ZNF568: variants seen among roughly 807,000 people sequenced by gnomAD.
The protein encoded by ZNF568 is p53 inhibitor of SCO2 activation.
A neutral mutation model predicts 18.1 loss-of-function variants in ZNF568; 11 were observed. The observed-to-expected ratio is 0.61, with a 90% CI of 0.38 to 1.00. ZNF568 has a LOEUF of 1.00. ZNF568 is among the 50% of genes least tolerant of loss of function. The pLI, the probability that ZNF568 is intolerant of heterozygous loss-of-function variation, is 0.01. For synonymous variants in ZNF568, 213 were observed against 246.6 expected, an observed-to-expected ratio of 0.86 and a Z score of 1.28; for missense variants, 639 against 768.2, an observed-to-expected ratio of 0.83 and a Z score of 1.99.
chr19:36,990,087 T>C (rs886809472), intron 2 of ZNF568, among the ~76,000 whole-genome samples: 1 of 152,236 alleles, frequency 6.6e-6, no homozygotes, highest in Non-Finnish European at 1.5e-5. Context: ...CTGAGGATTT[T>C]AGGACTGGGG....
chr19:36,944,119 C>T (rs965921259), intron 6 of ZNF568, among the ~76,000 whole-genome samples: 2 of 151,868 alleles, frequency 1.3e-5, no homozygotes, highest in Non-Finnish European at 2.9e-5. Flanking sequence ...AAAAAATAGG[C>T]CAGTCACGGT....
intron 6 of ZNF568, among the ~76,000 whole-genome samples, chr19:36,947,176 C>T (rs2073981568): frequency 2.0e-5 from 3 of 152,090 alleles, no homozygotes; most frequent in Middle Eastern, 3.4e-3. Flanking sequence ...CCACCACGCC[C>T]AGCTAATTTT....
At chr19:36,974,222 T>TG (rs895267032) in intron 6 of ZNF568, among the ~76,000 whole-genome samples, 2 of 152,090 alleles carry the variant, frequency 1.3e-5, no homozygotes, top group African/African-American at 4.8e-5. Flanking sequence ...GGCTACGGTC[T>TG]GGGGGGCTCT....
chr19:36,955,632 A>C (rs1031405712), downstream of ZNF568, among the ~76,000 whole-genome samples: 7 of 152,198 alleles, frequency 4.6e-5, no homozygotes, highest in African/African-American at 2.4e-5. Flanking sequence ...CTGGACACAC[A>C]TGAGTTACTG....
intron 2 of ZNF568, among the ~76,000 whole-genome samples, chr19:36,989,185 T>C (rs116566862): frequency 6.6e-6 from 1 of 152,252 alleles, no homozygotes; most frequent in African/African-American, 2.4e-5. Context: ...CTATCTCTTT[T>C]ATTGATTGAT....
At chr19:36,927,897 ATATATATTTTTTTTTTTTTT>A (rs2073604515) in intron 4 of ZNF568, among the ~76,000 whole-genome samples, 30 of 24,720 alleles carry the variant, frequency 1.2e-3, no homozygotes, top group African/African-American at 4.0e-3. Context: ...TTATATATAT[ATATATATTTTTTTTTTTTTT>A]TTTTTTTTTT....
chr19:36,974,814 T>C lies in ZNF568; in HGVS notation c.405+348T>C, dbSNP rs529992456. Among the ~76,000 whole-genome samples the C allele has an allele frequency of 1.6e-4, 24 of 148,388 alleles. 1 individual carries two copies. In the South Asian group the frequency reaches 5.1e-3, roughly 31 times the overall value. Reference sequence around the variant, plus strand: ...CCTCCATGATCATATGCAATAGCCTTTTTGCTTACCAATTTTTTTTTTTTT... The same window carrying C: ...CCTCCATGATCATATGCAATAGCCTCTTTGCTTACCAATTTTTTTTTTTTT... On this transcript the variant is annotated intron_variant, in intron 7 of 7. Transcript: ENST00000427117.
At chr19:36,993,620 T>C (rs977398585) in intron 4 of ZNF568, among the ~76,000 whole-genome samples, 2 of 152,148 alleles carry the variant, frequency 1.3e-5, no homozygotes, top group African/African-American at 4.8e-5. Flanking sequence ...CTTGAGTCAA[T>C]TTTGGTAGTT....
intron 4 of ZNF568, among the ~76,000 whole-genome samples, chr19:36,935,488 C>G (rs826289): frequency 6.7e-6 from 1 of 149,700 alleles, no homozygotes; most frequent in African/African-American, 2.5e-5. Flanking sequence ...TGAACTTGGG[C>G]GGCAGAGGTT....
intron 6 of ZNF568, among the ~76,000 whole-genome samples, chr19:36,938,491 G>T (rs903499605): frequency 1.3e-5 from 2 of 152,090 alleles, no homozygotes; most frequent in Admixed American, 6.6e-5. Flanking sequence ...GAACAAAGAT[G>T]AAATACTCTT....
At chr19:36,923,482 T>G (rs1361255923) in intron 3 of ZNF568, among the ~76,000 whole-genome samples, 2 of 151,878 alleles carry the variant, frequency 1.3e-5, no homozygotes, top group African/African-American at 4.8e-5. Flanking sequence ...CCAGAACTCC[T>G]GCTTTTTGGG....
intron 4 of ZNF568, among the ~76,000 whole-genome samples, chr19:36,933,924 G>GTTTTTTTTTTTTT (rs140279289): frequency 1.3e-3 from 40 of 29,868 alleles, no homozygotes; most frequent in African/African-American, 2.6e-3. Flanking sequence ...TTGTTTTTTT[G>GTTTTTTTTTTTTT]TTTTTTTTTT....
chr19:36,927,860 G>GTATATA (rs1219440874), intron 4 of ZNF568, among the ~76,000 whole-genome samples: 23 of 32,108 alleles, frequency 7.2e-4, no homozygotes, highest in African/African-American at 2.4e-3. Flanking sequence ...GTGTGTGTGT[G>GTATATA]TATATATATA....
At chr19:36,968,545 A>C (rs77994408) in intron 6 of ZNF568, among the ~76,000 whole-genome samples, 1,944 of 95,048 alleles carry the variant, frequency 0.02, 33 homozygotes, top group African/African-American at 0.083. Context: ...TCTGTCTCCA[A>C]AAAAAAAAAA....
At chr19:36,936,593 AT>A in intron 4 of ZNF568, 152 bp from the exon 5 acceptor site, 1 of 627,900 alleles carries the variant, frequency 1.6e-6, no homozygotes, top group Non-Finnish European at 2.5e-6. Context: ...TCCAACCATT[AT>A]TTCTTTGAAT....
Position 36,950,213 on chromosome 19 carries a change from A to C in ZNF568, c.1060A>C (p.Lys354Gln). 1.2e-6 allele frequency: 2 copies of C among 1,613,790 alleles called. No individual in the cohort carries two copies. Among genetic ancestry groups the C allele is most frequent in the South Asian group, 2.2e-5 (2 of 91,072 alleles). ...SQKQNLIEHE[K>Q]IHTGEKPYAC... ...GAAGCAAAATCTTATTGAGCACGAG[A>C]AAATTCATACTGGGGAGAAACCTTA... Residue 354 changes from lysine to glutamine, a missense_variant, in exon 7 of 7, where the codon AAA becomes CAA. Coordinates refer to ENST00000333987, the MANE Select transcript of ZNF568 (RefSeq NM_198539.4).
chr19:36,930,620 GT>G (rs1028750571), intron 4 of ZNF568, among the ~76,000 whole-genome samples: 3 of 152,090 alleles, frequency 2.0e-5, no homozygotes, highest in Admixed American at 1.3e-4. Flanking sequence ...TCTTTTTGTA[GT>G]TTTCCCCTAT....
chr19:36,944,572 G>A (rs1263402553), intron 6 of ZNF568, among the ~76,000 whole-genome samples: 1 of 151,752 alleles, frequency 6.6e-6, no homozygotes, highest in Non-Finnish European at 1.5e-5. Context: ...TGACATTTTG[G>A]GCCAGATAAT....
chr19:36,935,879 A>G (rs2073781483), intron 4 of ZNF568, among the ~76,000 whole-genome samples: 1 of 152,170 alleles, frequency 6.6e-6, no homozygotes, highest in African/African-American at 2.4e-5. Context: ...TCCTGTAGAC[A>G]GCATGTAGTT....
Sources: allele counts gnomAD v4.1 joint callset (sites outside exome capture counted in the v4.1 genomes callset), GRCh38; gene constraint gnomAD v4.1.1; transcripts MANE v1.5; gene names NCBI Gene and HGNC (gene_info 2026-07-23, HGNC 2026-07-21).